The following EYS variants were observed in gnomAD, a reference collection of about 807,000 sequenced individuals.
EYS encodes the protein EGF-like photoreceptor maintenance factor, also known as protein eyes shut homolog.
EYS carries 250 observed loss-of-function variants against 282.1 expected under a neutral mutation model. The observed-to-expected ratio is 0.89, with a 90% CI of 0.80 to 0.98. EYS has a LOEUF of 0.98. Ranked by LOEUF, EYS falls within the 50% of genes least tolerant of loss-of-function variation. The pLI is 0.00. For synonymous variants in EYS, 1,355 were observed against 1,282.9 expected, an observed-to-expected ratio of 1.06 and a Z score of -1.20; for missense variants, 4,016 against 3,709.0, an observed-to-expected ratio of 1.08 and a Z score of -2.15.
At chr6:63,737,593 C>T (rs2149639217) in intron 41 of EYS, among the ~76,000 whole-genome samples, 1 of 151,694 alleles carries the variant, frequency 6.6e-6, no homozygotes, top group African/African-American at 2.4e-5. Flanking sequence ...CAGGATGATG[C>T]TGGCCTCATA....
chr6:65,635,319 C>A (rs890109923), intron 2 of EYS, among the ~76,000 whole-genome samples: 1 of 152,126 alleles, frequency 6.6e-6, no homozygotes, highest in African/African-American at 2.4e-5. Context: ...GAGCCCAAAG[C>A]AGGGTTTAAA....
chr6:65,229,752 CA>C (rs1766720510), intron 12 of EYS, among the ~76,000 whole-genome samples: 3 of 151,860 alleles, frequency 2.0e-5, no homozygotes, highest in South Asian at 4.1e-4. Context: ...AAGAAAGTGA[CA>C]ATGAGTGAAA....
intron 11 of EYS, 57 bp downstream of exon 11, chr6:65,334,923 A>G (rs1769925801): frequency 6.6e-7 from 1 of 1,506,566 alleles, no homozygotes; most frequent in Admixed American, 1.7e-5. Flanking sequence ...GATGACTATC[A>G]ATTTAATTAT....
rs1554142131 is a variant in EYS, at chr6:64,310,078, A to AAAAAAAAAC, written c.6079-2997_6079-2996insGTTTTTTTT. Reference sequence around the variant, plus strand: ...TTAAAAGTAAAAAAAATAAAAAAAAAAATAACAGATGCTGGCAAGATTGTG... The same window carrying AAAAAAAAAC: ...TTAAAAGTAAAAAAAATAAAAAAAAAAAAAAAAACAATAACAGATGCTGGCAAGATTGTG... On this transcript the variant is annotated intron_variant, in intron 29 of 42. Transcript: ENST00000503581. 1.9e-4 allele frequency among the ~76,000 whole-genome samples: 27 copies of AAAAAAAAAC among 145,224 alleles called. 1 individual carries two copies. The highest frequency in any genetic ancestry group is 6.7e-4 in the African/African-American group (26 of 38,668).
intron 22 of EYS, among the ~76,000 whole-genome samples, chr6:64,715,763 G>T (rs1326450162): frequency 6.6e-6 from 1 of 152,162 alleles, no homozygotes; most frequent in East Asian, 1.9e-4. Context: ...TTCCCATTTG[G>T]CTTTGAATGC....
chr6:65,367,643 C>A (rs1466913), intron 8 of EYS, among the ~76,000 whole-genome samples: 32,201 of 151,296 alleles, frequency 0.21, 4,019 homozygotes, highest in Middle Eastern at 0.27. Flanking sequence ...AAGCGAGATA[C>A]AAGATAAGCT....
rs1769433695 is a variant in EYS at position 64,670,896 on chromosome 6, C to T, written c.3444-44651G>A. ...GACCCTCTCCTTCACCAGCAGCCTCCCTCCCCCACCCTCCAATTCTAAATG... is the reference window on the plus strand; with the variant it reads ...GACCCTCTCCTTCACCAGCAGCCTCTCTCCCCCACCCTCCAATTCTAAATG... On this transcript the variant is annotated intron_variant, in intron 22 of 42. Coordinates refer to ENST00000503581, the MANE Select transcript of EYS (RefSeq NM_001142800.2). Among the ~76,000 whole-genome samples, 2 of 151,840 alleles carry T rather than the reference C, an allele frequency of 1.3e-5. 1 individual carries two copies. The highest frequency in any genetic ancestry group is 3.9e-4 in the East Asian group (2 of 5,166).
chr6:64,267,256 C>A (rs1767791774), intron 30 of EYS, among the ~76,000 whole-genome samples: 1 of 152,096 alleles, frequency 6.6e-6, no homozygotes, highest in South Asian at 2.1e-4. Flanking sequence ...TCGAATGGGA[C>A]TGCTATTCAG....
At chr6:65,357,788 T>C (rs115809557) in intron 8 of EYS, among the ~76,000 whole-genome samples, 2,027 of 152,040 alleles carry the variant, frequency 0.013, 16 homozygotes, top group Non-Finnish European at 0.021. Context: ...ATGCTGCCAA[T>C]AAAAGAAAAG....
At chr6:65,556,974 T>A (rs1257566188) in intron 2 of EYS, among the ~76,000 whole-genome samples, 1 of 152,218 alleles carries the variant, frequency 6.6e-6, no homozygotes, top group Non-Finnish European at 1.5e-5. Flanking sequence ...GGTAATAATA[T>A]ATGTCATAGA....
chr6:64,658,753 A>G (rs1583007315), intron 22 of EYS, among the ~76,000 whole-genome samples: 1 of 152,324 alleles, frequency 6.6e-6, no homozygotes, highest in East Asian at 1.9e-4. Flanking sequence ...GTGAGGTGTC[A>G]GTCTGCCCCT....
intron 26 of EYS, among the ~76,000 whole-genome samples, chr6:64,494,422 A>G (rs1446539042): frequency 6.6e-6 from 1 of 151,654 alleles, no homozygotes; most frequent in Non-Finnish European, 1.5e-5. Flanking sequence ...TATTGCACCC[A>G]GGACTGTACC....
chr6:64,916,137 A>G (rs773565411), intron 15 of EYS, among the ~76,000 whole-genome samples: 3 of 152,116 alleles, frequency 2.0e-5, no homozygotes, highest in Admixed American at 6.5e-5. Flanking sequence ...GAGAATTAAT[A>G]TTTTCTAAAA....
chr6:64,731,701 A>T (rs1449544429), intron 22 of EYS, among the ~76,000 whole-genome samples: 5 of 152,228 alleles, frequency 3.3e-5, no homozygotes, highest in Admixed American at 3.3e-4. Context: ...GAATGCTTTT[A>T]CGCTGTTGGT....
chr6:64,401,047 A>C (rs1045309414), intron 28 of EYS, among the ~76,000 whole-genome samples: 3 of 152,128 alleles, frequency 2.0e-5, no homozygotes, highest in African/African-American at 7.2e-5. Context: ...AGGGTGACCT[A>C]CTGTGATATT....
intron 2 of EYS, among the ~76,000 whole-genome samples, chr6:65,512,233 C>T (rs369113474): frequency 1.3e-5 from 2 of 151,970 alleles, no homozygotes; most frequent in Non-Finnish European, 1.5e-5. Flanking sequence ...TGGCTCATGC[C>T]TGTAATCCCA....
chr6:64,730,301 G>A (rs79687951), intron 22 of EYS, among the ~76,000 whole-genome samples: 2,932 of 152,190 alleles, frequency 0.019, 80 homozygotes, highest in African/African-American at 0.064. Context: ...GAAGAAAAGA[G>A]TAATGTTACA....
At chr6:63,794,155 AG>A (rs1770584711) in intron 37 of EYS, among the ~76,000 whole-genome samples, 2 of 152,206 alleles carry the variant, frequency 1.3e-5, no homozygotes. Context: ...GATTATTCTA[AG>A]GATTAAGTGA....
intron 2 of EYS, among the ~76,000 whole-genome samples, chr6:65,543,970 A>G (rs1224493770): frequency 6.6e-6 from 1 of 151,270 alleles, no homozygotes; most frequent in Non-Finnish European, 1.5e-5. Context: ...ACACAGAATC[A>G]AACTTTCCCA....
Sources: allele counts gnomAD v4.1 joint callset (sites outside exome capture counted in the v4.1 genomes callset), GRCh38; gene constraint gnomAD v4.1.1; transcripts MANE v1.5; gene names NCBI Gene and HGNC (gene_info 2026-07-23, HGNC 2026-07-21).